ANKS3: variants seen among roughly 807,000 people sequenced by gnomAD.
ANKS3 encodes the protein ankyrin repeat and sterile alpha motif domain containing 3.
Under a neutral mutation model 80.7 loss-of-function variants are expected in ANKS3, and 62 were observed. That is an observed-to-expected ratio of 0.77 (90% CI 0.63 to 0.95). The LOEUF is 0.95. Among genes scored for constraint, ANKS3 ranks in the 40% least tolerant of loss-of-function variants. ANKS3 has a pLI of 0.00. For missense variants in ANKS3, 1,150 were observed against 883.6 expected (o/e 1.30, Z -3.82); for synonymous variants, 489 against 355.3 (o/e 1.38, Z -4.23).
rs766254863 is a variant in ANKS3 at position 4,726,994 on chromosome 16, G to T, written c.354C>A (p.Ala118=). 2 of 1,614,142 alleles carry T rather than the reference G, an allele frequency of 1.2e-6. No homozygotes were observed. The highest frequency in any genetic ancestry group is 2.2e-5 in the South Asian group (2 of 91,086). The change falls in exon 4 of 18, where the codon GCC becomes GCA. Residue 118 remains alanine (A), a synonymous_variant. Coordinates refer to ENST00000304283, the MANE Select transcript of ANKS3 (RefSeq NM_133450.4). ...LASSCGNESI[A]YFLLQQGAEL... is the part of the protein sequence containing the mutation. ...CGTAGCTCACCTGGAGAAGAAAGTA[G>T]GCGATGCTCTCGTTGCCACAGCTGG... is the stretch of plus-strand genomic sequence containing the variant.
At chr16:4,705,925 ACTT>A (rs1253766507) in intron 7 of ANKS3, among the ~76,000 whole-genome samples, 1 of 121,632 alleles carries the variant, frequency 8.2e-6, no homozygotes, top group East Asian at 3.2e-4. Context: ...TTTGGAAACA[ACTT>A]TTTTTTTTTT....
chr16:4,722,352 G>A lies in ANKS3; in HGVS notation c.573+2398C>T, dbSNP rs1006678310. 8.0e-3 allele frequency among the ~76,000 whole-genome samples: 1,181 copies of A among 147,536 alleles called. 12 individuals are homozygous for A. The highest frequency in any genetic ancestry group is 0.011 in the Non-Finnish European group (722 of 65,368). Reference sequence around the variant, plus strand: ...TCCCAGCACTTTGGGAGGCCAGGGCGGGCAGATCATGAGGTCAGGAGATCG... The same window carrying A: ...TCCCAGCACTTTGGGAGGCCAGGGCAGGCAGATCATGAGGTCAGGAGATCG... On this transcript the variant is annotated intron_variant, in intron 6 of 17. Coordinates refer to ENST00000304283, the MANE Select transcript of ANKS3 (RefSeq NM_133450.4).
intron 6 of ANKS3, among the ~76,000 whole-genome samples, chr16:4,720,157 A>AC (rs2081013856): frequency 7.5e-5 from 7 of 93,482 alleles, no homozygotes; most frequent in African/African-American, 2.3e-4. Context: ...GCAAGACCCC[A>AC]CCCCAAAAAA....
At chr16:4,730,259 C>T in intron 2 of ANKS3, 108 bp from the exon 3 acceptor site, 1 of 1,131,716 alleles carries the variant, frequency 8.8e-7, no homozygotes, top group Admixed American at 3.7e-5. Context: ...ACTGATAACC[C>T]AGTGCAGTCA....
Position 4,727,129 on chromosome 16 carries a change from C to G in ANKS3, c.219G>C (p.Leu73=). 6.2e-7 allele frequency: 1 copy of G among 1,614,202 alleles called. No homozygotes were observed. The highest frequency in any genetic ancestry group is 1.7e-5 in the Admixed American group (1 of 60,020). ...NKKNGGGWTP[L]MYASYIGHDT... is the part of the protein sequence containing the mutation. ...CGTGGCCAATGTAGGAGGCATACAT[C>G]AGCGGGGTCCAGCCACCACCATTCT... Residue 73 remains leucine (L), a synonymous_variant, in exon 4 of 18, where the codon CTG becomes CTC. Coordinates refer to ENST00000304283, the MANE Select transcript of ANKS3 (RefSeq NM_133450.4).
Position 4,705,256 on chromosome 16 carries a change from G to A in ANKS3, c.710-3C>T. ...AGAGCTCAGATCTTCGTACTTTTCT[G>A]TGATCAAACACCAAGATTAAGATAG... is the stretch of plus-strand genomic sequence containing the variant. On this transcript the variant is annotated splice_polypyrimidine_tract_variant and splice_region_variant and intron_variant, in intron 7 of 17. Coordinates refer to ENST00000304283, the MANE Select transcript of ANKS3 (RefSeq NM_133450.4). The A allele has an allele frequency of 6.2e-7, 1 of 1,613,602 alleles. No homozygotes were observed.
chr16:4,727,823 T>G (rs1197866665), intron 3 of ANKS3: 1 of 153,166 alleles, frequency 6.5e-6, no homozygotes, highest in African/African-American at 2.4e-5. Context: ...CTGTTAAAAT[T>G]CTGGCAATGC....
intron 9 of ANKS3, 179 bp from the exon 10 acceptor site, chr16:4,701,722 T>G: frequency 1.8e-6 from 1 of 550,380 alleles, no homozygotes; most frequent in Non-Finnish European, 3.2e-6. Flanking sequence ...GGGCAGGGCT[T>G]CTGTCTTTTT....
chr16:4,713,453 A>G (rs553612602), intron 7 of ANKS3, among the ~76,000 whole-genome samples: 28 of 152,084 alleles, frequency 1.8e-4, no homozygotes, highest in East Asian at 1.2e-3. Flanking sequence ...AGTTGGGGGG[A>G]AAAAAAGGAT....
intron 8 of ANKS3, among the ~76,000 whole-genome samples, chr16:4,703,412 GC>G (rs1053002732): frequency 7.0e-5 from 10 of 143,610 alleles, no homozygotes; most frequent in African/African-American, 1.0e-4. Flanking sequence ...ACTGCACCTG[GC>G]CCCCCCAATT....
At chr16:4,732,147 G>T (rs897740421) in intron 1 of ANKS3, among the ~76,000 whole-genome samples, 1 of 146,510 alleles carries the variant, frequency 6.8e-6, no homozygotes, top group Non-Finnish European at 1.5e-5. Flanking sequence ...GGTGGGGCAA[G>T]CAAAGCCCTC....
At chr16:4,732,560 G>A (rs1434274511) in intron 1 of ANKS3, among the ~76,000 whole-genome samples, 2 of 151,566 alleles carry the variant, frequency 1.3e-5, no homozygotes, top group African/African-American at 4.8e-5. Context: ...GTGGGCGCCT[G>A]TAGTCTCAGT....
chr16:4,701,011 A>G lies in ANKS3; in HGVS notation c.1243T>C (p.Ser415Pro). The G allele has an allele frequency of 6.2e-7, 1 of 1,613,922 alleles. No individual in the cohort carries two copies. Among genetic ancestry groups the G allele is most frequent in the Non-Finnish European group, 8.5e-7 (1 of 1,179,970 alleles). ...ATDREGFLAESSPQTQRAPYS... is the reference protein window; with the variant it reads ...ATDREGFLAEPSPQTQRAPYS... ...GGGGCCCTCTGAGTCTGGGGGCTGG[A>G]CTCAGCGAGAAAGCCTTCCCTGTCA... The change falls in exon 11 of 18, where the codon TCC becomes CCC. Residue 415 changes from serine (S) to proline (P), a missense_variant. Transcript: ENST00000304283.
At position 4,701,243 on chromosome 16, in the gene ANKS3, C is replaced by A. The variant is rs930509565; in HGVS notation, c.1120-109G>T. 2.0e-6 allele frequency: 3 copies of A among 1,525,994 alleles called. 1 individual carries two copies. Among genetic ancestry groups the A allele is most frequent in the Admixed American group, 3.6e-5 (2 of 55,150 alleles). The allele number at this position is 1,525,994 out of a possible 1,614,324, so 94.5% of individuals were successfully genotyped here. Reference sequence around the variant, plus strand: ...TGAGAGGCTTCGTGAAACCCCCCACCCGCCACACAGGGGCTTCCGGTGCGT... The same window carrying A: ...TGAGAGGCTTCGTGAAACCCCCCACACGCCACACAGGGGCTTCCGGTGCGT... On this transcript the variant is annotated intron_variant, in intron 10 of 17. Transcript: ENST00000304283.
At position 4,734,133 on chromosome 16, in the gene ANKS3, G is replaced by A; in HGVS notation, c.-266C>T. ...GGCTGCAGGTGCCGGCAAGTGCTGGGGCCGGGCCGCCGCGGAACCCACCTG... is the reference window on the plus strand; with the variant it reads ...GGCTGCAGGTGCCGGCAAGTGCTGGAGCCGGGCCGCCGCGGAACCCACCTG... On this transcript the variant is annotated 5_prime_UTR_variant, in exon 1 of 18. Coordinates refer to ENST00000304283, the MANE Select transcript of ANKS3 (RefSeq NM_133450.4). 1.5e-6 allele frequency: 1 copy of A among 686,102 alleles called. No homozygotes were observed. Among genetic ancestry groups the A allele is most frequent in the Non-Finnish European group, 1.8e-6 (1 of 556,430 alleles). 42.5% of individuals were successfully genotyped at this position (686,102 alleles called of 1,614,324 possible). A position where few individuals can be genotyped will look rare whatever the true frequency, so the allele number is the denominator to read the frequency against.
intron 6 of ANKS3, among the ~76,000 whole-genome samples, chr16:4,716,966 T>G (rs1567393368): frequency 6.6e-6 from 1 of 151,898 alleles, no homozygotes; most frequent in African/African-American, 2.4e-5. Flanking sequence ...GCACGGTGGC[T>G]CAAGCCTGTA....
intron 3 of ANKS3, chr16:4,729,305 G>A (rs2081509305): frequency 6.6e-6 from 1 of 152,198 alleles, no homozygotes; most frequent in African/African-American, 2.4e-5. Context: ...GGGGAACAGG[G>A]ATCACAGGGA....
At chr16:4,707,466 G>C (rs557651859) in intron 7 of ANKS3, among the ~76,000 whole-genome samples, 1 of 152,050 alleles carries the variant, frequency 6.6e-6, no homozygotes, top group South Asian at 2.1e-4. Flanking sequence ...ATTTTGAGTA[G>C]AGACAAGGTT....
chr16:4,729,749 G>C (rs2081528386), intron 3 of ANKS3: 1 of 366,898 alleles, frequency 2.7e-6, no homozygotes, highest in East Asian at 4.2e-5. Flanking sequence ...AAGAATGACT[G>C]TTTATAAGCT....
Sources: gnomAD v4.1 joint callset for allele counts (sites outside exome capture counted in the v4.1 genomes callset) on GRCh38, gnomAD v4.1.1 for gene constraint, MANE v1.5 for transcripts, NCBI Gene and HGNC (gene_info 2026-07-23, HGNC 2026-07-21) for gene names.